The following ASAH1 variants were observed in gnomAD, a reference collection of about 807,000 sequenced individuals.
ASAH1 encodes the protein acid ceramidase.
Under a neutral mutation model 59.5 loss-of-function variants are expected in ASAH1, and 70 were observed. The observed-to-expected ratio is 1.18, with a 90% CI of 0.97 to 1.43. ASAH1 has a LOEUF of 1.43. ASAH1 is among the 40% of genes most tolerant of loss of function. The pLI is 0.00. For synonymous variants in ASAH1, 213 were observed against 166.5 expected, an observed-to-expected ratio of 1.28 and a Z score of -2.15; for missense variants, 660 against 482.5, an observed-to-expected ratio of 1.37 and a Z score of -3.45.
chr8:18,083,987 CG>C lies in ASAH1; in HGVS notation c.71del (p.Ala24GlyfsTer29). On this transcript the variant is annotated frameshift_variant, in exon 1 of 14. Transcript: ENST00000637790. LOFTEE classifies it high-confidence loss of function. ...AAVSCAVAQHAPPWTEDCRKS... is the reference protein window; with the variant it reads ...AAVSCAVAQHXPPWTEDCRKS... Reference sequence around the variant, plus strand: ...TCGGCTCAAGCTCACTCACCGGCGGCGCGTGCTGCGCGACGGCACAGCTGAC... The same window carrying C: ...TCGGCTCAAGCTCACTCACCGGCGGCCGTGCTGCGCGACGGCACAGCTGAC... 7 of 1,597,750 alleles carry C rather than the reference CG, an allele frequency of 4.4e-6. No homozygotes were observed. The highest frequency in any genetic ancestry group is 5.9e-6 in the Non-Finnish European group (7 of 1,179,344).
chr8:18,057,363 A>T lies in ASAH1; in HGVS notation c.*171T>A, dbSNP rs878918679. The T allele has an allele frequency of 1.0e-4, 30 of 294,432 alleles. No individual in the cohort carries two copies. Among genetic ancestry groups the T allele is most frequent in the Non-Finnish European group, 1.7e-4 (27 of 161,838 alleles). 18.2% of individuals were successfully genotyped at this position (294,432 alleles called of 1,614,324 possible). On this transcript the variant is annotated 3_prime_UTR_variant, in exon 14 of 14. Transcript: ENST00000637790. ...ATAAGAAAAATCAACTGATAGGGGG[A>T]AAAAAAAAAGATCTGTCATTTGTCA... is the stretch of plus-strand genomic sequence containing the variant.
intron 5 of ASAH1, 120 bp downstream of exon 5, chr8:18,067,100 T>TGAACCTGTGCTGTATATCTAAGACATACA: frequency 1.8e-6 from 1 of 548,490 alleles, no homozygotes; most frequent in Admixed American, 3.9e-5. Flanking sequence ...CTAAGACCTG[T>TGAACCTGTGCTGTATATCTAAGACATACA]GCACCTGTGC....
At position 18,061,705 on chromosome 8, in the gene ASAH1, A is replaced by T; in HGVS notation, c.684T>A (p.Ser228Arg). The T allele has an allele frequency of 6.3e-7, 1 of 1,585,500 alleles. No homozygotes were observed. ...ACTTACCCAGATAACCACCATTTAT[A>T]CTGAAACGTTCATTCAGTGTAAGAC... ...LFSLTLNERFSINGGYLGILE... is the reference protein window; with the variant it reads ...LFSLTLNERFRINGGYLGILE... Residue 228 changes from serine (S) to arginine (R), a missense_variant, in exon 9 of 14, where the codon AGT becomes AGA. Transcript: ENST00000637790.
intron 1 of ASAH1, among the ~76,000 whole-genome samples, chr8:18,077,632 A>G (rs1405561589): frequency 6.6e-6 from 1 of 152,216 alleles, no homozygotes; most frequent in African/African-American, 2.4e-5. Context: ...TGTTCTTCCC[A>G]AAGTCCAGGA....
intron 1 of ASAH1, among the ~76,000 whole-genome samples, chr8:18,078,503 G>C (rs1027064812): frequency 1.1e-4 from 16 of 152,152 alleles, no homozygotes; most frequent in African/African-American, 3.6e-4. Context: ...GGCTCACATG[G>C]CATGAACGCC....
In ASAH1 at chr8:18,066,918, G is replaced by A. The variant is rs1467037728; in HGVS notation, c.382+302C>T. ...TCAGTTCTATTTATACAAAGTTCAC[G>A]AAGAGGCAAAACTAATCTATAGTGA... On this transcript the variant is annotated intron_variant, in intron 5 of 13. Transcript: ENST00000637790. The A allele has an allele frequency of 8.3e-6, 3 of 361,110 alleles. No individual in the cohort carries two copies. The South Asian group carries it at 4.0e-4, about 48-fold the overall frequency. The allele number at this position is 361,110 out of a possible 1,614,324, so 22.4% of individuals were successfully genotyped here. A position where few individuals can be genotyped will look rare whatever the true frequency, so the allele number is the denominator to read the frequency against.
upstream of ASAH1, chr8:18,084,775 C>G (rs760933668): frequency 2.5e-5 from 41 of 1,613,644 alleles, no homozygotes; most frequent in African/African-American, 1.2e-4. Context: ...CGCGAGCTTT[C>G]TCTCCCAGCC....
chr8:18,083,863 G>C, intron 1 of ASAH1, 118 bp downstream of exon 1: 1 of 1,520,200 alleles, frequency 6.6e-7, no homozygotes, highest in Non-Finnish European at 8.8e-7. Context: ...ACAGACCCCC[G>C]TAAAGAAGCT....
At chr8:18,061,656 TC>T (rs1799705042) in intron 9 of ASAH1, 29 bp downstream of exon 9, 4 of 1,577,214 alleles carry the variant, frequency 2.5e-6, no homozygotes, top group Non-Finnish European at 3.5e-6. Context: ...GCTCTGAGAT[TC>T]CCATTTCACT....
intron 1 of ASAH1, chr8:18,083,230 A>C (rs554992771): frequency 4.1e-4 from 62 of 152,380 alleles, no homozygotes; most frequent in African/African-American, 1.4e-3. Flanking sequence ...TTTATAAAGA[A>C]ATGAATTATG....
At position 18,069,520 on chromosome 8, in the gene ASAH1, G is replaced by A. The variant is rs1447090004; in HGVS notation, c.303+272C>T. ...CAATAGTGAACTCACTACATAAAGG[G>A]AAGGAAATACCACACTCCCAGATGA... On this transcript the variant is annotated intron_variant, in intron 4 of 13. Transcript: ENST00000637790. 3 of 369,842 alleles carry A rather than the reference G, an allele frequency of 8.1e-6. No individual in the cohort carries two copies. The Admixed American group carries it at 1.3e-4, about 16-fold the overall frequency. The allele number at this position is 369,842 out of a possible 1,614,324, so 22.9% of individuals were successfully genotyped here.
chr8:18,058,716 T>C, intron 13 of ASAH1, 119 bp downstream of exon 13: 1 of 905,554 alleles, frequency 1.1e-6, no homozygotes, highest in Non-Finnish European at 1.8e-6. Flanking sequence ...TAATAAAAAA[T>C]CAGTCCTAAG....
intron 1 of ASAH1, among the ~76,000 whole-genome samples, chr8:18,077,396 A>G (rs1800449949): frequency 6.6e-6 from 1 of 152,238 alleles, no homozygotes; most frequent in African/African-American, 2.4e-5. Context: ...TATAGATCTT[A>G]GCAGATTCCA....
rs1799486605 is a variant in ASAH1 at position 18,056,791 on chromosome 8, A to G, written c.*743T>C. 6.6e-6 allele frequency: 1 copy of G among 151,200 alleles called. No individual in the cohort carries two copies. 9.4% of individuals were successfully genotyped at this position (151,200 alleles called of 1,614,324 possible). The stretch of plus-strand genomic sequence containing the variant: ...TGACTTGTTTATTTACTAAATTAAC[A>G]GAACGTGGGATGCAGTTTTTTAAGT... On this transcript the variant is annotated 3_prime_UTR_variant, in exon 14 of 14. Coordinates refer to ENST00000637790, the MANE Select transcript of ASAH1 (RefSeq NM_177924.5).
chr8:18,080,564 G>A (rs1374668860), intron 1 of ASAH1, among the ~76,000 whole-genome samples: 1 of 151,870 alleles, frequency 6.6e-6, no homozygotes, highest in Non-Finnish European at 1.5e-5. Context: ...CTATTTTTTT[G>A]TTTTTGTTTT....
chr8:18,062,865 GT>G (rs1799763701), intron 7 of ASAH1: 2 of 282,184 alleles, frequency 7.1e-6, no homozygotes, highest in South Asian at 6.7e-5. Context: ...ACAGTTCTGT[GT>G]TCTTTTTTTT....
At chr8:18,084,218 G>A (rs1800793928), upstream of ASAH1, 9 of 1,505,140 alleles carry the variant, frequency 6.0e-6, no homozygotes, top group Non-Finnish European at 7.9e-6. Flanking sequence ...GGACTGGGAG[G>A]AGAGGACGGG....
Position 18,059,472 on chromosome 8 carries a change from C to G in ASAH1, c.918-8G>C, listed in dbSNP as rs1193137924. 3 of 1,614,168 alleles carry G rather than the reference C, an allele frequency of 1.9e-6. No homozygotes were observed. Among genetic ancestry groups the G allele is most frequent in the Non-Finnish European group, 2.5e-6 (3 of 1,180,030 alleles). ...CCCTGCTTAGCATCGAGTCTAGATACAAAAGGAGAGATTCCCTCTTAGGCT... is the reference window on the plus strand; with the variant it reads ...CCCTGCTTAGCATCGAGTCTAGATAGAAAAGGAGAGATTCCCTCTTAGGCT... On this transcript the variant is annotated splice_polypyrimidine_tract_variant and splice_region_variant and intron_variant, in intron 11 of 13. Transcript: ENST00000637790.
chr8:18,069,991 T>C lies in ASAH1; in HGVS notation c.217-113A>G. 5.8e-6 allele frequency: 4 copies of C among 692,458 alleles called. No individual in the cohort carries two copies. The South Asian group carries it at 6.9e-5, about 12-fold the overall frequency. 42.9% of individuals were successfully genotyped at this position (692,458 alleles called of 1,614,324 possible). A position where few individuals can be genotyped will look rare whatever the true frequency, so the allele number is the denominator to read the frequency against. ...AGTGCTATTTGACAATTTATATATA[T>C]ATTTTTTAAAACAGCATCTCGCTCT... is the stretch of plus-strand genomic sequence containing the variant. On this transcript the variant is annotated intron_variant, in intron 3 of 13. Coordinates refer to ENST00000637790, the MANE Select transcript of ASAH1 (RefSeq NM_177924.5).
Sources: allele counts gnomAD v4.1 joint callset (sites outside exome capture counted in the v4.1 genomes callset), GRCh38; gene constraint gnomAD v4.1.1; transcripts MANE v1.5; gene names NCBI Gene and HGNC (gene_info 2026-07-23, HGNC 2026-07-21).